ARHGEF3: variants seen among roughly 807,000 people sequenced by gnomAD.
ARHGEF3 encodes the protein 59.8 kDA protein.
ARHGEF3 carries 28 observed loss-of-function variants against 63.2 expected under a neutral mutation model. The observed-to-expected ratio is 0.44, with a 90% confidence interval of 0.33 to 0.61. The LOEUF is 0.61. Ranked by LOEUF, ARHGEF3 falls within the 20% of genes least tolerant of loss-of-function variation. The pLI, the probability that ARHGEF3 is intolerant of heterozygous loss-of-function variation, is 0.03. For synonymous variants in ARHGEF3, 266 were observed against 254.2 expected, an observed-to-expected ratio of 1.05 and a Z score of -0.44; for missense variants, 533 against 659.3, an observed-to-expected ratio of 0.81 and a Z score of 2.10.
chr3:56,889,459 T>C (rs1194309564), intron 3 of ARHGEF3, among the ~76,000 whole-genome samples: 1 of 152,224 alleles, frequency 6.6e-6, no homozygotes, highest in Non-Finnish European at 1.5e-5. Context: ...ATTGGGCACC[T>C]ACTATGAGCC....
At chr3:57,037,901 C>CAAAA (rs71294717) in intron 1 of ARHGEF3, among the ~76,000 whole-genome samples, 1 of 151,850 alleles carries the variant, frequency 6.6e-6, no homozygotes, top group Non-Finnish European at 1.5e-5. Context: ...CAAAACAAAA[C>CAAAA]AAAACCCATC....
chr3:56,974,424 A>T (rs1339593518), intron 2 of ARHGEF3, among the ~76,000 whole-genome samples: 1 of 152,220 alleles, frequency 6.6e-6, no homozygotes, highest in African/African-American at 2.4e-5. Flanking sequence ...CTCATTTGGC[A>T]TTCTCATCTG....
intron 1 of ARHGEF3, chr3:56,775,609 C>A: frequency 2.0e-6 from 2 of 985,550 alleles, no homozygotes; most frequent in Non-Finnish European, 2.4e-6. Context: ...AAAGCCATTG[C>A]GTGACAATGA....
In ARHGEF3 at chr3:56,867,483, A is replaced by T. The variant is rs200672055; in HGVS notation, c.192+14809T>A. ...TATTTATTTATTTATTTATTTATTT[A>T]TTTTTTTGAGACAAGGTCTTGCTCT... is the stretch of plus-strand genomic sequence containing the variant. On this transcript the variant is annotated intron_variant, in intron 4 of 12. Transcript: ENST00000338458. Among the ~76,000 whole-genome samples, 62 of 127,568 alleles carry T rather than the reference A, an allele frequency of 4.9e-4. 1 individual carries two copies. Among genetic ancestry groups the T allele is most frequent in the Middle Eastern group, 4.1e-3 (1 of 246 alleles). The allele number at this position is 127,568 out of a possible 152,430, so 83.7% of individuals were successfully genotyped here. A position where few individuals can be genotyped will look rare whatever the true frequency, so the allele number is the denominator to read the frequency against.
chr3:56,989,147 C>G (rs183880202), intron 2 of ARHGEF3, among the ~76,000 whole-genome samples: 19 of 152,196 alleles, frequency 1.2e-4, no homozygotes, highest in African/African-American at 4.3e-4. Context: ...GGCTCCAGCT[C>G]CGCTGCCGGG....
chr3:56,840,974 A>G (rs961209788), intron 4 of ARHGEF3, among the ~76,000 whole-genome samples: 1 of 152,210 alleles, frequency 6.6e-6, no homozygotes, highest in Non-Finnish European at 1.5e-5. Flanking sequence ...CACACAGTTA[A>G]GCAGTACCAA....
At chr3:56,994,625 G>T (rs1418155602) in intron 2 of ARHGEF3, among the ~76,000 whole-genome samples, 1 of 151,664 alleles carries the variant, frequency 6.6e-6, no homozygotes, top group Non-Finnish European at 1.5e-5. Flanking sequence ...TGCCTTAATT[G>T]TCTCAAGATA....
intron 8 of ARHGEF3, among the ~76,000 whole-genome samples, chr3:56,736,886 A>G (rs2033659477): frequency 6.6e-6 from 1 of 152,120 alleles, no homozygotes. Context: ...TGAGCTCAGG[A>G]GTTTGAGACC....
chr3:56,743,101 T>C (rs1442557294), intron 7 of ARHGEF3, among the ~76,000 whole-genome samples: 2 of 152,160 alleles, frequency 1.3e-5, no homozygotes, highest in Non-Finnish European at 2.9e-5. Flanking sequence ...GGCAACTCTA[T>C]CGCACTCTTC....
At chr3:56,762,577 A>C (rs1406682397) in intron 2 of ARHGEF3, among the ~76,000 whole-genome samples, 2 of 152,152 alleles carry the variant, frequency 1.3e-5, no homozygotes, top group Non-Finnish European at 2.9e-5. Flanking sequence ...CTGATTTGTT[A>C]ATGCCGCCTG....
rs1560006651 is a variant in ARHGEF3 at position 56,867,474 on chromosome 3, TA to T, written c.192+14817del. Among the ~76,000 whole-genome samples the T allele has an allele frequency of 2.8e-3, 430 of 151,946 alleles. 1 individual carries two copies. Among genetic ancestry groups the T allele is most frequent in the African/African-American group, 9.9e-3 (409 of 41,386 alleles). ...TTAAAATGCTATTTATTTATTTATT[TA>T]TTTATTTATTTTTTTGAGACAAGGT... On this transcript the variant is annotated intron_variant, in intron 4 of 12. Transcript: ENST00000338458.
chr3:56,761,442 C>CT lies in ARHGEF3; in HGVS notation c.205-6292dup, dbSNP rs565752796. Among the ~76,000 whole-genome samples, 759 of 148,964 alleles carry CT rather than the reference C, an allele frequency of 5.1e-3. 8 individuals carry two copies. The highest frequency in any genetic ancestry group is 0.017 in the African/African-American group (714 of 40,814). On this transcript the variant is annotated intron_variant, in intron 2 of 9. Coordinates refer to ENST00000296315, the MANE Select transcript of ARHGEF3 (RefSeq NM_019555.3). ...CCATCTACACACCCTCTGCCCTTCT[C>CT]TTTTTTTTTTATATTCAACATGTGC...
chr3:56,727,893 C>T lies in ARHGEF3; in HGVS notation c.*1377G>A, dbSNP rs182063006. 9 of 152,644 alleles carry T rather than the reference C, an allele frequency of 5.9e-5. No homozygotes were observed. The highest frequency in any genetic ancestry group is 3.9e-4 in the Admixed American group (6 of 15,288). The allele number at this position is 152,644 out of a possible 1,614,324, so 9.5% of individuals were successfully genotyped here. ...ATGATATATGTACATAATAAAATGA[C>T]ATCAATGCATTTACTGCTTTCTTTT... On this transcript the variant is annotated 3_prime_UTR_variant, in exon 10 of 10. Transcript: ENST00000296315.
chr3:57,007,129 T>C (rs1668536856), intron 2 of ARHGEF3: 2 of 1,216,238 alleles, frequency 1.6e-6, no homozygotes, highest in Admixed American at 2.8e-5. Flanking sequence ...TTGTGCACTT[T>C]TGTTTTTATG....
chr3:57,045,325 C>T (rs890480811), intron 1 of ARHGEF3, among the ~76,000 whole-genome samples: 1 of 152,186 alleles, frequency 6.6e-6, no homozygotes, highest in Non-Finnish European at 1.5e-5. Context: ...TGGGTCTCTT[C>T]AGTAATGCCT....
chr3:56,984,788 T>C (rs971781709), intron 2 of ARHGEF3, among the ~76,000 whole-genome samples: 2 of 152,088 alleles, frequency 1.3e-5, no homozygotes, highest in Non-Finnish European at 1.5e-5. Flanking sequence ...TTTGGATTAG[T>C]TTGGCTCTTA....
chr3:56,934,321 C>G (rs1296101673), intron 3 of ARHGEF3, among the ~76,000 whole-genome samples: 1 of 152,246 alleles, frequency 6.6e-6, no homozygotes, highest in Admixed American at 6.5e-5. Context: ...TCAGAGCCCT[C>G]GCTTGCTCTT....
At chr3:57,064,238 A>G (rs544003833) in intron 1 of ARHGEF3, among the ~76,000 whole-genome samples, 4 of 152,206 alleles carry the variant, frequency 2.6e-5, no homozygotes, top group Non-Finnish European at 5.9e-5. Context: ...CACTGCAGCA[A>G]TCAGTGACAG....
chr3:57,052,359 T>C (rs1704711818), intron 1 of ARHGEF3, among the ~76,000 whole-genome samples: 1 of 152,008 alleles, frequency 6.6e-6, no homozygotes, highest in Non-Finnish European at 1.5e-5. Flanking sequence ...TGCAGTGGTG[T>C]GATCTTGGCT....
Sources: allele counts gnomAD v4.1 joint callset (sites outside exome capture counted in the v4.1 genomes callset), GRCh38; gene constraint gnomAD v4.1.1; transcripts MANE v1.5; gene names NCBI Gene and HGNC (gene_info 2026-07-23, HGNC 2026-07-21).